The following GPR158 variants were observed in gnomAD, a reference collection of about 807,000 sequenced individuals.
GPR158 encodes the protein G protein-coupled receptor 158.
In GPR158, 30 loss-of-function variants were observed where a neutral mutation model predicts 78.2. The ratio of observed to expected loss-of-function variants is 0.38; its 90% CI spans 0.29 to 0.52. The LOEUF is 0.52. Ranked by LOEUF, GPR158 falls within the 20% of genes least tolerant of loss-of-function variation. GPR158 has a pLI of 0.83. For missense variants in GPR158, 1,463 were observed against 1,523.5 expected (o/e 0.96, Z 0.66); for synonymous variants, 581 against 591.1 (o/e 0.98, Z 0.25).
At chr10:25,367,021 T>C (rs1035281789) in intron 2 of GPR158, among the ~76,000 whole-genome samples, 6 of 151,738 alleles carry the variant, frequency 4.0e-5, no homozygotes, top group Non-Finnish European at 8.8e-5. Context: ...TTATAAATTG[T>C]CTATTGATCA....
At chr10:25,414,018 G>T (rs1255566097) in intron 4 of GPR158, among the ~76,000 whole-genome samples, 3 of 152,098 alleles carry the variant, frequency 2.0e-5, no homozygotes, top group Non-Finnish European at 2.9e-5. Flanking sequence ...TGGCATAGCA[G>T]GTAGAATTGA....
intron 1 of GPR158, among the ~76,000 whole-genome samples, chr10:25,218,857 TA>T (rs1376586312): frequency 7.1e-6 from 1 of 141,578 alleles, no homozygotes; most frequent in African/African-American, 2.9e-5. Context: ...CCATGGAACT[TA>T]TTTTTTTTTT....
At position 25,260,888 on chromosome 10, in the gene GPR158, A is replaced by AG. The variant is rs1207841648; in HGVS notation, c.1008+39733dup. On this transcript the variant is annotated intron_variant, in intron 2 of 10. Transcript: ENST00000376351. ...TGACCTCTTAGTTTCTTGTTAGATG[A>AG]GGAAGGCATAAGAAAAAAATGTTTT... 2.0e-5 allele frequency among the ~76,000 whole-genome samples: 3 copies of AG among 152,272 alleles called. No individual in the cohort carries two copies. The East Asian group carries it at 5.8e-4, about 29-fold the overall frequency.
chr10:25,251,233 A>C (rs939873722), intron 2 of GPR158, among the ~76,000 whole-genome samples: 5 of 152,272 alleles, frequency 3.3e-5, no homozygotes, highest in Admixed American at 1.3e-4. Context: ...GGTCTCCTGA[A>C]TACAGCACAC....
At chr10:25,540,945 A>AAAAT (rs1342123329) in intron 5 of GPR158, among the ~76,000 whole-genome samples, 4 of 82,922 alleles carry the variant, frequency 4.8e-5, no homozygotes, top group African/African-American at 2.9e-4. Flanking sequence ...GTATAATAAA[A>AAAAT]ATATATATAT....
chr10:25,379,647 C>CTTTTTTTTTTTTTTTTTTTTT (rs11393897), intron 2 of GPR158, among the ~76,000 whole-genome samples: 1 of 106,986 alleles, frequency 9.3e-6, no homozygotes, highest in Non-Finnish European at 1.8e-5. Flanking sequence ...TGAGGATTAG[C>CTTTTTTTTTTTTTTTTTTTTT]TTTTTTTTTT....
chr10:25,564,105 G>A (rs887627167), intron 6 of GPR158, among the ~76,000 whole-genome samples: 1 of 152,076 alleles, frequency 6.6e-6, no homozygotes, highest in Non-Finnish European at 1.5e-5. Flanking sequence ...TTTCTGTTGG[G>A]TTAGTAGTCA....
At position 25,516,001 on chromosome 10, in the gene GPR158, T is replaced by C. The variant is rs1836166329; in HGVS notation, c.1405-34975T>C. ...AGTCCCACCAACAGTGTAAAAGTGT[T>C]CCTATTTCTCCACATCCTCTCCAGC... On this transcript the variant is annotated intron_variant, in intron 5 of 10. Coordinates refer to ENST00000376351, the MANE Select transcript of GPR158 (RefSeq NM_020752.3). Among the ~76,000 whole-genome samples the C allele has an allele frequency of 5.3e-5, 8 of 150,640 alleles. No homozygotes were observed. In the South Asian group the frequency reaches 1.5e-3, roughly 27 times the overall value.
At chr10:25,254,756 T>C (rs1036818791) in intron 2 of GPR158, among the ~76,000 whole-genome samples, 1 of 152,218 alleles carries the variant, frequency 6.6e-6, no homozygotes, top group African/African-American at 2.4e-5. Context: ...CTGAAACTTC[T>C]TTTTGAAAGC....
intron 2 of GPR158, among the ~76,000 whole-genome samples, chr10:25,371,161 C>T (rs1229039414): frequency 6.7e-6 from 1 of 148,412 alleles, no homozygotes; most frequent in Non-Finnish European, 1.5e-5. Context: ...GCACTTAGTC[C>T]ATTTACATTT....
intron 4 of GPR158, among the ~76,000 whole-genome samples, chr10:25,429,950 C>T (rs1313101618): frequency 1.5e-5 from 2 of 136,534 alleles, no homozygotes; most frequent in African/African-American, 5.5e-5. Flanking sequence ...AAAACTGGCA[C>T]AAGACAGGGA....
intron 6 of GPR158, among the ~76,000 whole-genome samples, chr10:25,571,230 A>G (rs1484237382): frequency 6.6e-6 from 1 of 152,196 alleles, no homozygotes; most frequent in African/African-American, 2.4e-5. Context: ...CTTCTGTTTT[A>G]CTTGTATCTG....
Position 25,175,734 on chromosome 10 carries a change from T to C in GPR158, c.314T>C (p.Leu105Ser). ...GCCAACTGCTCCGGCCGCTACGAGT[T>C]GGCGGGCCTGCCGGGGAAGTGGCCA... ...KRANCSGRYELAGLPGKWPAL... is the reference protein window; with the variant it reads ...KRANCSGRYESAGLPGKWPAL... Residue 105 changes from leucine (L) to serine (S), a missense_variant, in exon 1 of 11, where the codon TTG becomes TCG. Coordinates refer to ENST00000376351, the MANE Select transcript of GPR158 (RefSeq NM_020752.3). The surrounding 1 kb of genome is among the most constrained non-coding windows in gnomAD (Gnocchi z 6.4). 6.2e-7 allele frequency: 1 copy of C among 1,611,522 alleles called. No individual in the cohort carries two copies. The highest frequency in any genetic ancestry group is 8.5e-7 in the Non-Finnish European group (1 of 1,179,864).
intron 3 of GPR158, among the ~76,000 whole-genome samples, chr10:25,409,626 T>C (rs1004177161): frequency 5.9e-5 from 9 of 152,212 alleles, no homozygotes; most frequent in Admixed American, 4.6e-4. Flanking sequence ...TTTCCAGTGT[T>C]AGAAAAAGAG....
chr10:25,370,812 T>C lies in GPR158; in HGVS notation c.1009-25099T>C, dbSNP rs570105323. Among the ~76,000 whole-genome samples the C allele has an allele frequency of 4.8e-3, 724 of 151,518 alleles. 9 individuals are homozygous for C. The highest frequency in any genetic ancestry group is 0.016 in the African/African-American group (665 of 41,294). On this transcript the variant is annotated intron_variant, in intron 2 of 10. Transcript: ENST00000376351. ...TATTGTGTGGGAGTCTAAGTCTCTT[T>C]GTAGGTCACTCAGGACTTGCTTTAT...
intron 2 of GPR158, among the ~76,000 whole-genome samples, chr10:25,268,522 C>T (rs1184097936): frequency 2.0e-5 from 3 of 152,112 alleles, no homozygotes; most frequent in East Asian, 3.9e-4. Context: ...TGCAGCTGGA[C>T]CTCCCCCAAA....
chr10:25,395,259 G>A (rs965986127), intron 2 of GPR158, among the ~76,000 whole-genome samples: 1 of 152,008 alleles, frequency 6.6e-6, no homozygotes, highest in East Asian at 1.9e-4. Context: ...TATTTTGAAA[G>A]CTGTTTTTCT....
rs768658587 is a variant in GPR158 at position 25,176,344 on chromosome 10, G to C, written c.902+22G>C. On this transcript the variant is annotated intron_variant, in intron 1 of 10. Transcript: ENST00000376351. This position sits in a 1 kb window ranked among gnomAD's most constrained non-coding sequence, Gnocchi z 6.3. ...TCAGGTAGGGAGGGCCGGGGGGCAG[G>C]GGGGAAGGCAAAAGCGAAGCTTTCC... The C allele has an allele frequency of 1.0e-5, 16 of 1,531,742 alleles. No individual in the cohort carries two copies. Among genetic ancestry groups the C allele is most frequent in the East Asian group, 4.5e-5 (2 of 44,164 alleles). 94.9% of individuals were successfully genotyped at this position (1,531,742 alleles called of 1,614,324 possible). A position where few individuals can be genotyped will look rare whatever the true frequency, so the allele number is the denominator to read the frequency against.
intron 5 of GPR158, among the ~76,000 whole-genome samples, chr10:25,487,967 T>A (rs35657976): frequency 0.056 from 8,474 of 152,176 alleles, 297 homozygotes; most frequent in Admixed American, 0.11. Flanking sequence ...GCTCAAAAGC[T>A]AGGTAATAAA....
Sources: allele counts gnomAD v4.1 joint callset (sites outside exome capture counted in the v4.1 genomes callset), GRCh38; gene constraint gnomAD v4.1.1; non-coding constraint Gnocchi (gnomAD v3.1); transcripts MANE v1.5; gene names NCBI Gene and HGNC (gene_info 2026-07-23, HGNC 2026-07-21).